Variants in FMNL2 observed in about 807,000 individuals in gnomAD.
The protein encoded by FMNL2 is formin-like protein 2.
In FMNL2, 51 loss-of-function variants were observed where a neutral mutation model predicts 130.2. That is an observed-to-expected ratio of 0.39 (90% CI 0.31 to 0.49). The LOEUF is 0.49. FMNL2 is among the 20% of genes least tolerant of loss of function. The probability of loss-of-function intolerance (pLI) is 0.85; values close to 1 mark genes in which losing one functional copy is unlikely to be tolerated. For missense variants in FMNL2, 977 were observed against 1,316.2 expected (o/e 0.74, Z 3.99); for synonymous variants, 465 against 467.1 (o/e 1.00, Z 0.06).
chr2:152,604,885 C>T (rs771059323), intron 9 of FMNL2, among the ~76,000 whole-genome samples: 7 of 143,830 alleles, frequency 4.9e-5, no homozygotes, highest in Non-Finnish European at 9.3e-5. Flanking sequence ...CGAGAACCAC[C>T]GTGCCCAGCC....
chr2:152,532,789 G>A (rs530505928), intron 2 of FMNL2, among the ~76,000 whole-genome samples: 4 of 151,926 alleles, frequency 2.6e-5, no homozygotes, highest in East Asian at 1.9e-4. Flanking sequence ...CGTATTTTTA[G>A]TAGAGACAGG....
At chr2:152,629,774 A>G in intron 19 of FMNL2, 50 bp downstream of exon 19, 1 of 1,605,312 alleles carries the variant, frequency 6.2e-7, no homozygotes, top group African/African-American at 1.3e-5. Context: ...AGCTGCGTTC[A>G]GTGCCTGATG....
chr2:152,568,366 C>T (rs1199596574), intron 6 of FMNL2, among the ~76,000 whole-genome samples: 1 of 152,064 alleles, frequency 6.6e-6, no homozygotes, highest in African/African-American at 2.4e-5. Flanking sequence ...CAAGCACTCA[C>T]CACCACACCC....
rs555627317 is a variant in FMNL2 at position 152,488,054 on chromosome 2, A to G, written c.118-33889A>G. Among the ~76,000 whole-genome samples, 3 of 152,358 alleles carry G rather than the reference A, an allele frequency of 2.0e-5. No homozygotes were observed. In the South Asian group the frequency reaches 6.2e-4, roughly 32 times the overall value. Reference sequence around the variant, plus strand: ...CTCGGCCTCTCAAAGTGCTGGGATTACAGGTGTGAGCCACAACGCCTGGCT... The same window carrying G: ...CTCGGCCTCTCAAAGTGCTGGGATTGCAGGTGTGAGCCACAACGCCTGGCT... On this transcript the variant is annotated intron_variant, in intron 1 of 25. Transcript: ENST00000288670.
intron 1 of FMNL2, among the ~76,000 whole-genome samples, chr2:152,385,072 T>G (rs1579535658): frequency 6.6e-6 from 1 of 152,234 alleles, no homozygotes; most frequent in South Asian, 2.1e-4. Flanking sequence ...AGAATTTTAA[T>G]CTAGAGGCTC....
chr2:152,502,969 A>G (rs1691933082), intron 1 of FMNL2, among the ~76,000 whole-genome samples: 1 of 152,058 alleles, frequency 6.6e-6, no homozygotes, highest in African/African-American at 2.4e-5. Flanking sequence ...TGTTGAGGGT[A>G]GATGTTTTCC....
At chr2:152,577,708 A>C (rs1027792057) in intron 7 of FMNL2, among the ~76,000 whole-genome samples, 10 of 152,144 alleles carry the variant, frequency 6.6e-5, no homozygotes, top group Non-Finnish European at 1.2e-4. Context: ...GTCAAGTAAG[A>C]TGTGGAGTGA....
chr2:152,553,266 A>C (rs1259038047), intron 4 of FMNL2, among the ~76,000 whole-genome samples: 1 of 152,174 alleles, frequency 6.6e-6, no homozygotes, highest in East Asian at 1.9e-4. Flanking sequence ...CCTTATGATT[A>C]ACTTATTCCT....
chr2:152,453,808 G>A (rs747095983), intron 1 of FMNL2, among the ~76,000 whole-genome samples: 10 of 152,186 alleles, frequency 6.6e-5, no homozygotes, highest in Admixed American at 2.6e-4. Flanking sequence ...AAGCCAAGGC[G>A]TTAGAGCCTA....
chr2:152,604,988 A>C (rs1282385352), intron 9 of FMNL2, among the ~76,000 whole-genome samples: 1 of 151,920 alleles, frequency 6.6e-6, no homozygotes, highest in Admixed American at 6.6e-5. Context: ...CCCTTTTTGC[A>C]GGCAAGAGAT....
chr2:152,636,968 G>A (rs897181094), intron 22 of FMNL2, among the ~76,000 whole-genome samples: 1 of 152,144 alleles, frequency 6.6e-6, no homozygotes, highest in Non-Finnish European at 1.5e-5. Flanking sequence ...CTATACTGGG[G>A]GTTGCTGATA....
chr2:152,501,355 C>T (rs1464412480), intron 1 of FMNL2, among the ~76,000 whole-genome samples: 2 of 152,200 alleles, frequency 1.3e-5, no homozygotes, highest in Non-Finnish European at 2.9e-5. Context: ...TGAAGGATGA[C>T]CTTCCCAAAA....
chr2:152,618,729 A>G, intron 13 of FMNL2, 117 bp from the exon 14 acceptor site: 1 of 878,750 alleles, frequency 1.1e-6, no homozygotes, highest in South Asian at 2.1e-5. Flanking sequence ...CTGAATTCCA[A>G]AGAATTCCCA....
At chr2:152,561,508 G>T (rs929409210) in intron 6 of FMNL2, among the ~76,000 whole-genome samples, 2 of 151,758 alleles carry the variant, frequency 1.3e-5, no homozygotes, top group Non-Finnish European at 2.9e-5. Flanking sequence ...ATGCTGTAGT[G>T]ATAATTTTTA....
At chr2:152,611,663 C>A in intron 11 of FMNL2, 58 bp downstream of exon 11, 2 of 1,100,540 alleles carry the variant, frequency 1.8e-6, no homozygotes, top group Non-Finnish European at 2.7e-6. Flanking sequence ...ATTGCCTGCC[C>A]TCAAAGGTAC....
intron 11 of FMNL2, among the ~76,000 whole-genome samples, chr2:152,613,213 C>T (rs1224373760): frequency 6.6e-6 from 1 of 152,186 alleles, no homozygotes; most frequent in Non-Finnish European, 1.5e-5. Flanking sequence ...CTCTTTCTTA[C>T]TTTGAGATCA....
At chr2:152,584,876 A>T (rs1237907150) in intron 9 of FMNL2, among the ~76,000 whole-genome samples, 1 of 152,030 alleles carries the variant, frequency 6.6e-6, no homozygotes, top group Non-Finnish European at 1.5e-5. Context: ...TGCATGTTTT[A>T]GGAAGGCAGG....
chr2:152,594,171 A>G (rs576484023), intron 9 of FMNL2, among the ~76,000 whole-genome samples: 2 of 152,246 alleles, frequency 1.3e-5, no homozygotes, highest in East Asian at 1.9e-4. Flanking sequence ...TGGTTTTTAT[A>G]TATCTTCCAA....
intron 15 of FMNL2, chr2:152,622,653 C>T (rs1426190081): frequency 4.4e-6 from 2 of 454,700 alleles, no homozygotes; most frequent in Non-Finnish European, 8.9e-6. Context: ...TTGCTTTGAT[C>T]CATTGCATTT....
Sources: allele counts gnomAD v4.1 joint callset (sites outside exome capture counted in the v4.1 genomes callset), GRCh38; gene constraint gnomAD v4.1.1; transcripts MANE v1.5; gene names NCBI Gene and HGNC (gene_info 2026-07-23, HGNC 2026-07-21).